The following PARP8 variants were observed in gnomAD, a reference collection of about 807,000 sequenced individuals.
PARP8 encodes protein mono-ADP-ribosyltransferase PARP8.
In PARP8, 51 loss-of-function variants were observed where a neutral mutation model predicts 124.1. The observed-to-expected ratio is 0.41, with a 90% CI of 0.33 to 0.52. The LOEUF is 0.52. PARP8 is among the 20% of genes least tolerant of loss of function. The probability of loss-of-function intolerance (pLI) is 0.21; values close to 1 mark genes in which losing one functional copy is unlikely to be tolerated. For synonymous variants in PARP8, 391 were observed against 361.5 expected (o/e 1.08, Z -0.93); for missense variants, 860 against 1,018.9 (o/e 0.84, Z 2.12).
chr5:50,767,500 A>G (rs576893714), intron 7 of PARP8, among the ~76,000 whole-genome samples: 2 of 152,214 alleles, frequency 1.3e-5, no homozygotes, highest in African/African-American at 4.8e-5. Context: ...CAGATCCTAG[A>G]CACTAACCAC....
At chr5:50,832,288 A>G (rs1747070906) in intron 22 of PARP8, among the ~76,000 whole-genome samples, 1 of 152,202 alleles carries the variant, frequency 6.6e-6, no homozygotes, top group African/African-American at 2.4e-5. Flanking sequence ...GCATTTACAG[A>G]GTAAGCTAAA....
intron 18 of PARP8, among the ~76,000 whole-genome samples, chr5:50,825,542 G>T (rs532677963): frequency 6.6e-6 from 1 of 152,156 alleles, no homozygotes; most frequent in East Asian, 1.9e-4. Flanking sequence ...GTGAAGAGGA[G>T]AGAAGTCACC....
At chr5:50,667,823 C>G (rs111349294) in intron 1 of PARP8, 27 of 1,171,640 alleles carry the variant, frequency 2.3e-5, no homozygotes, top group Middle Eastern at 2.7e-4. Flanking sequence ...CCGGCCTCCC[C>G]TATCGGGAAA....
chr5:50,812,884 G>A (rs1744626029), intron 14 of PARP8, among the ~76,000 whole-genome samples: 1 of 152,094 alleles, frequency 6.6e-6, no homozygotes, highest in Non-Finnish European at 1.5e-5. Flanking sequence ...TGTCAGGTTT[G>A]TCAAAGATCA....
At chr5:50,741,923 C>A (rs749401183) in intron 2 of PARP8, 1 of 421,884 alleles carries the variant, frequency 2.4e-6, no homozygotes, top group South Asian at 1.7e-5. Context: ...GATTCTCCTG[C>A]CTCAGCCTTC....
At chr5:50,667,391 A>C (rs990065857) in intron 1 of PARP8, among the ~76,000 whole-genome samples, 2 of 152,194 alleles carry the variant, frequency 1.3e-5, no homozygotes, top group Non-Finnish European at 2.9e-5. Context: ...GCCAAGTCTG[A>C]GGCAGCCACC....
At chr5:50,738,860 A>G in intron 2 of PARP8, 1 of 632,778 alleles carries the variant, frequency 1.6e-6, no homozygotes, top group Non-Finnish European at 2.9e-6. Flanking sequence ...AGTAAAAAGG[A>G]TAGTTATTTG....
chr5:50,700,776 G>A (rs1168119919), intron 2 of PARP8, among the ~76,000 whole-genome samples: 3 of 152,232 alleles, frequency 2.0e-5, no homozygotes, highest in African/African-American at 7.2e-5. Flanking sequence ...CGAATACAAT[G>A]TTAATGTAGT....
chr5:50,831,943 G>C (rs953679062), intron 22 of PARP8, among the ~76,000 whole-genome samples: 1 of 152,156 alleles, frequency 6.6e-6, no homozygotes, highest in African/African-American at 2.4e-5. Context: ...TAAGAGAACA[G>C]GACAGCTTCT....
rs573439059 is a variant in PARP8, at chr5:50,812,369, C to T, written c.1576-3063C>T. ...TGATGATGAGCATTTTTTCATGTGT[C>T]TGTTGGCTGCATAAATGTCTTCTTT... On this transcript the variant is annotated intron_variant, in intron 14 of 25. Coordinates refer to ENST00000281631, the MANE Select transcript of PARP8 (RefSeq NM_024615.4). 9.5e-4 allele frequency among the ~76,000 whole-genome samples: 145 copies of T among 152,220 alleles called. 1 individual carries two copies. Among genetic ancestry groups the T allele is most frequent in the African/African-American group, 3.4e-3 (140 of 41,542 alleles).
intron 2 of PARP8, among the ~76,000 whole-genome samples, chr5:50,672,247 G>A (rs749930519): frequency 2.6e-5 from 4 of 152,092 alleles, no homozygotes; most frequent in Non-Finnish European, 5.9e-5. Flanking sequence ...TATTGTAATC[G>A]CCCATTTATG....
intron 2 of PARP8, among the ~76,000 whole-genome samples, chr5:50,696,506 G>A (rs1249499308): frequency 1.3e-5 from 2 of 152,100 alleles, no homozygotes; most frequent in African/African-American, 2.4e-5. Context: ...ATCTAAATAC[G>A]AAGTAGGATC....
chr5:50,834,989 C>G lies in PARP8; in HGVS notation c.2436C>G (p.Asp812Glu), dbSNP rs374798900. 1 of 1,613,234 alleles carries G rather than the reference C, an allele frequency of 6.2e-7. No homozygotes were observed. Residue 812 changes from aspartate to glutamate, a missense_variant, in exon 25 of 26, where the codon GAC becomes GAG. Asp to Glu is a conservative substitution (Grantham distance 45, BLOSUM62 2). Coordinates refer to ENST00000281631, the MANE Select transcript of PARP8 (RefSeq NM_024615.4). ...HGEIWVVPNT[D>E]HVCTRFFFVY... Reference sequence around the variant, plus strand: ...AGATATGGGTTGTCCCCAATACTGACCATGTCTGCACACGATTCTTTTTCG... The same window carrying G: ...AGATATGGGTTGTCCCCAATACTGAGCATGTCTGCACACGATTCTTTTTCG...
chr5:50,777,559 G>A (rs1471210917), intron 7 of PARP8, among the ~76,000 whole-genome samples: 2 of 150,544 alleles, frequency 1.3e-5, no homozygotes, highest in Non-Finnish European at 3.0e-5. Flanking sequence ...TTTAATATCA[G>A]ACTTTTAGAG....
chr5:50,666,954 C>G lies in PARP8; in HGVS notation c.-142C>G. On this transcript the variant is annotated 5_prime_UTR_variant, in exon 1 of 26. It adds an upstream start codon to the 5' untranslated region. Coordinates refer to ENST00000281631, the MANE Select transcript of PARP8 (RefSeq NM_024615.4). The stretch of plus-strand genomic sequence containing the variant: ...CTCCTCCTCTTCTCTCACCCAGGAT[C>G]ACTTCCGAAACCACTTCGCCTTCAG... The G allele has an allele frequency of 7.7e-7, 1 of 1,290,588 alleles. No homozygotes were observed. The highest frequency in any genetic ancestry group is 2.5e-5 in the Admixed American group (1 of 40,374). 79.9% of individuals were successfully genotyped at this position (1,290,588 alleles called of 1,614,324 possible).
chr5:50,832,953 T>G (rs1311882488), intron 23 of PARP8, 99 bp downstream of exon 23: 2 of 1,017,764 alleles, frequency 2.0e-6, no homozygotes, highest in African/African-American at 3.3e-5. Context: ...TGAAAAATTA[T>G]TTAATGTGGT....
chr5:50,743,531 A>G lies in PARP8; in HGVS notation c.147-6620A>G, dbSNP rs16884937. 5.8e-3 allele frequency among the ~76,000 whole-genome samples: 881 copies of G among 152,230 alleles called. 8 individuals carry two copies. The highest frequency in any genetic ancestry group is 9.6e-3 in the Admixed American group (147 of 15,298). Reference sequence around the variant, plus strand: ...GCAGCACTTGAAGAGTAAAGAAGACAGAATTAATAAGTGCTGGAGTGAATT... The same window carrying G: ...GCAGCACTTGAAGAGTAAAGAAGACGGAATTAATAAGTGCTGGAGTGAATT... On this transcript the variant is annotated intron_variant, in intron 2 of 25. Coordinates refer to ENST00000281631, the MANE Select transcript of PARP8 (RefSeq NM_024615.4).
intron 2 of PARP8, among the ~76,000 whole-genome samples, chr5:50,726,115 T>A (rs1225719564): frequency 6.6e-6 from 1 of 151,464 alleles, no homozygotes; most frequent in Non-Finnish European, 1.5e-5. Context: ...CCCTACTTAT[T>A]TTTTTTTTAA....
intron 2 of PARP8, among the ~76,000 whole-genome samples, chr5:50,734,861 G>A (rs1056344217): frequency 6.6e-6 from 1 of 152,074 alleles, no homozygotes; most frequent in African/African-American, 2.4e-5. Flanking sequence ...AATCAAGGAG[G>A]CCAAGACATG....
Sources: allele counts gnomAD v4.1 joint callset (sites outside exome capture counted in the v4.1 genomes callset), GRCh38; gene constraint gnomAD v4.1.1; transcripts MANE v1.5; gene names NCBI Gene and HGNC (gene_info 2026-07-23, HGNC 2026-07-21).